RPRD1A: variants seen among roughly 807,000 people sequenced by gnomAD.
The protein encoded by RPRD1A is regulation of nuclear pre-mRNA domain containing 1A.
RPRD1A carries 9 observed loss-of-function variants against 37.8 expected under a neutral mutation model. The ratio of observed to expected loss-of-function variants is 0.24; its 90% CI spans 0.14 to 0.42. RPRD1A has a LOEUF of 0.42. Among genes scored for constraint, RPRD1A ranks in the 10% least tolerant of loss-of-function variants. The probability of loss-of-function intolerance (pLI) is 1.00; values close to 1 mark genes in which losing one functional copy is unlikely to be tolerated. For synonymous variants in RPRD1A, 138 were observed against 139.7 expected (o/e 0.99, Z 0.08); for missense variants, 255 against 371.0 (o/e 0.69, Z 2.57).
rs768331011 is a variant in RPRD1A, at chr18:36,067,396, G to T, written c.9C>A (p.Ala3=). The T allele has an allele frequency of 6.2e-7, 1 of 1,606,972 alleles. No homozygotes were observed. The highest frequency in any genetic ancestry group is 1.7e-5 in the Admixed American group (1 of 59,008). MS[A]FSEAALEKKL... ...TCTTCTCCAGCGCCGCCTCAGAGAA[G>T]GCTGACATCCCTCCGACACCACGTT... Residue 3 remains alanine, a synonymous_variant, in exon 1 of 7, where the codon GCC becomes GCA. Coordinates refer to ENST00000399022, the MANE Select transcript of RPRD1A (RefSeq NM_018170.5).
chr18:36,043,538 T>C (rs1912747407), intron 1 of RPRD1A, among the ~76,000 whole-genome samples: 1 of 152,192 alleles, frequency 6.6e-6, no homozygotes, highest in African/African-American at 2.4e-5. Context: ...AAATGAATTA[T>C]AAAAGTCCTG....
chr18:36,026,315 A>G (rs533991864), intron 6 of RPRD1A: 10 of 152,452 alleles, frequency 6.6e-5, no homozygotes, highest in Admixed American at 5.9e-4. Flanking sequence ...ATCCCTAACA[A>G]TTGCTACTCT....
At chr18:36,024,710 T>C (rs779105375) in intron 6 of RPRD1A, among the ~76,000 whole-genome samples, 56 of 152,254 alleles carry the variant, frequency 3.7e-4, no homozygotes, top group African/African-American at 6.0e-4. Flanking sequence ...AGATACACAA[T>C]AGATGAAAAT....
In RPRD1A at chr18:36,047,005, T is replaced by C. The variant is rs73426956; in HGVS notation, c.152-13168A>G. On this transcript the variant is annotated intron_variant, in intron 1 of 6. Transcript: ENST00000399022. The stretch of plus-strand genomic sequence containing the variant: ...ATGTTAAAATGATCTTACAAAGACT[T>C]TAAAGCAGCCACCAAGGCTGGGCAA... Among the ~76,000 whole-genome samples, 201 of 152,000 alleles carry C rather than the reference T, an allele frequency of 1.3e-3. 2 individuals are homozygous for C. Among genetic ancestry groups the C allele is most frequent in the African/African-American group, 4.7e-3 (194 of 41,456 alleles).
At chr18:36,030,359 T>G (rs1043100700) in intron 4 of RPRD1A, among the ~76,000 whole-genome samples, 1 of 151,506 alleles carries the variant, frequency 6.6e-6, no homozygotes, top group Non-Finnish European at 1.5e-5. Flanking sequence ...GGCCCGTGCC[T>G]GTAGTCTCAG....
At chr18:35,996,594 G>A (rs1054758923) in intron 6 of RPRD1A, among the ~76,000 whole-genome samples, 3 of 152,074 alleles carry the variant, frequency 2.0e-5, no homozygotes, top group African/African-American at 4.8e-5. Context: ...CAAATGATAC[G>A]ACATTTGCTA....
At chr18:36,059,294 C>T (rs1598671222) in intron 1 of RPRD1A, among the ~76,000 whole-genome samples, 2 of 152,054 alleles carry the variant, frequency 1.3e-5, no homozygotes. Flanking sequence ...TGCACCACCA[C>T]GTCTGGCTAA....
chr18:36,050,669 T>C (rs1913316346), intron 1 of RPRD1A, among the ~76,000 whole-genome samples: 4 of 151,806 alleles, frequency 2.6e-5, no homozygotes. Flanking sequence ...AGGGAGTAGC[T>C]GAAACTACAG....
At chr18:36,054,329 A>G (rs1913612025) in intron 1 of RPRD1A, among the ~76,000 whole-genome samples, 1 of 152,030 alleles carries the variant, frequency 6.6e-6, no homozygotes, top group African/African-American at 2.4e-5. Context: ...CATCTCTACT[A>G]AAAATAGAAA....
intron 1 of RPRD1A, among the ~76,000 whole-genome samples, chr18:36,038,566 G>A (rs1912361806): frequency 6.6e-6 from 1 of 152,236 alleles, no homozygotes; most frequent in Non-Finnish European, 1.5e-5. Flanking sequence ...GCAGTGCGTA[G>A]GGGAAATGTG....
At chr18:36,028,117 C>T (rs956107184) in intron 4 of RPRD1A, 2 of 151,914 alleles carry the variant, frequency 1.3e-5, no homozygotes, top group Non-Finnish European at 2.9e-5. Context: ...TCCAGCCCAT[C>T]TTTTTCATCT....
intron 1 of RPRD1A, among the ~76,000 whole-genome samples, chr18:36,042,475 G>A (rs1912649339): frequency 6.6e-6 from 1 of 152,126 alleles, no homozygotes; most frequent in Non-Finnish European, 1.5e-5. Flanking sequence ...ATTAACCTCA[G>A]CCAGCACAGC....
intron 1 of RPRD1A, among the ~76,000 whole-genome samples, chr18:36,063,656 T>C (rs936072993): frequency 6.6e-6 from 1 of 152,218 alleles, no homozygotes; most frequent in Non-Finnish European, 1.5e-5. Flanking sequence ...ATTCAAGATA[T>C]GGTAAAATAA....
In RPRD1A at chr18:35,992,896, AAG is replaced by A. The variant is rs1290454936; in HGVS notation, c.*253_*254del. 8 of 308,760 alleles carry A rather than the reference AAG, an allele frequency of 2.6e-5. No homozygotes were observed. The highest frequency in any genetic ancestry group is 4.7e-5 in the Non-Finnish European group (8 of 171,968). The allele number at this position is 308,760 out of a possible 1,614,324, so 19.1% of individuals were successfully genotyped here. A position where few individuals can be genotyped will look rare whatever the true frequency, so the allele number is the denominator to read the frequency against. On this transcript the variant is annotated 3_prime_UTR_variant, in exon 7 of 7. Transcript: ENST00000399022. ...TTGGATCAAAAAAAAAATTTACAAA[AAG>A]ATCTTTTGAAAATAATCACTATTTG...
chr18:36,013,416 G>GA (rs1290147330), intron 6 of RPRD1A, among the ~76,000 whole-genome samples: 9 of 152,154 alleles, frequency 5.9e-5, no homozygotes, highest in African/African-American at 2.2e-4. Flanking sequence ...TAAGATTTAA[G>GA]AAAAAAACTA....
chr18:36,003,060 C>T (rs1909523184), intron 6 of RPRD1A, among the ~76,000 whole-genome samples: 1 of 152,202 alleles, frequency 6.6e-6, no homozygotes, highest in South Asian at 2.1e-4. Flanking sequence ...GATAGGTATT[C>T]ACATAATTTA....
intron 6 of RPRD1A, among the ~76,000 whole-genome samples, chr18:35,993,673 C>T (rs569029709): frequency 1.3e-5 from 2 of 152,296 alleles, no homozygotes; most frequent in South Asian, 2.1e-4. Context: ...GTAGGAATGG[C>T]CAGAGTCTGT....
intron 1 of RPRD1A, among the ~76,000 whole-genome samples, chr18:36,063,257 AC>A (rs1348639836): frequency 6.6e-6 from 1 of 152,136 alleles, no homozygotes; most frequent in Non-Finnish European, 1.5e-5. Flanking sequence ...CACTTGGCTC[AC>A]TGCAGCCTAA....
At chr18:36,040,850 T>G in intron 1 of RPRD1A, 1 of 1,522,592 alleles carries the variant, frequency 6.6e-7, no homozygotes, top group Non-Finnish European at 8.8e-7. Flanking sequence ...AATTTCTCAT[T>G]TGTTGCACCT....
Sources: allele counts gnomAD v4.1 joint callset (sites outside exome capture counted in the v4.1 genomes callset), GRCh38; gene constraint gnomAD v4.1.1; transcripts MANE v1.5; gene names NCBI Gene and HGNC (gene_info 2026-07-23, HGNC 2026-07-21).